Variants in CAMTA1 observed in about 807,000 individuals in gnomAD.
CAMTA1 encodes the protein calmodulin binding transcription activator 1.
Under a neutral mutation model 170.9 loss-of-function variants are expected in CAMTA1, and 27 were observed. That is an observed-to-expected ratio of 0.16 (90% CI 0.12 to 0.22). The LOEUF (loss-of-function observed/expected upper bound fraction) is 0.22. CAMTA1 is among the 10% of genes least tolerant of loss of function. The pLI, the probability that CAMTA1 is intolerant of heterozygous loss-of-function variation, is 1.00. For missense variants in CAMTA1, 1,619 were observed against 2,217.2 expected, an observed-to-expected ratio of 0.73 and a Z score of 5.42; for synonymous variants, 833 against 891.5, an observed-to-expected ratio of 0.93 and a Z score of 1.17.
chr1:6,846,313 T>C (rs148804791), intron 3 of CAMTA1, among the ~76,000 whole-genome samples: 2 of 152,380 alleles, frequency 1.3e-5, no homozygotes, highest in African/African-American at 4.8e-5. Flanking sequence ...ATCTGAGATA[T>C]TCTCATCATC....
chr1:7,598,887 G>A (rs1470523391), intron 6 of CAMTA1, among the ~76,000 whole-genome samples: 1 of 152,094 alleles, frequency 6.6e-6, no homozygotes, highest in Non-Finnish European at 1.5e-5. Flanking sequence ...CATTCTGTAG[G>A]TTGCCTGTTC....
At chr1:6,933,387 G>A (rs1046175153) in intron 3 of CAMTA1, among the ~76,000 whole-genome samples, 1 of 152,136 alleles carries the variant, frequency 6.6e-6, no homozygotes, top group African/African-American at 2.4e-5. Context: ...AGCCTCCTGA[G>A]TAGCTGGGAT....
intron 5 of CAMTA1, among the ~76,000 whole-genome samples, chr1:7,343,008 A>G (rs2083950104): frequency 6.6e-6 from 1 of 152,228 alleles, no homozygotes; most frequent in Admixed American, 6.5e-5. Context: ...ACACAGCGCC[A>G]GCCCTCTCTC....
At chr1:7,271,968 T>G (rs1318667111) in intron 5 of CAMTA1, among the ~76,000 whole-genome samples, 2 of 152,138 alleles carry the variant, frequency 1.3e-5, no homozygotes, top group Non-Finnish European at 2.9e-5. Context: ...TAAAATTTTC[T>G]GACAAAGAAA....
In CAMTA1 at chr1:7,456,221, A is replaced by AGAGGGAGGGAGAGAAG. The variant is rs1222991371; in HGVS notation, c.439-11597_439-11582dup. Among the ~76,000 whole-genome samples the AGAGGGAGGGAGAGAAG allele has an allele frequency of 8.4e-6, 1 of 119,684 alleles. No homozygotes were observed. 78.5% of individuals were successfully genotyped at this position (119,684 alleles called of 152,430 possible). The stretch of plus-strand genomic sequence containing the variant: ...GGGAGGGAGGGAGGAAGAATGGGAG[A>AGAGGGAGGGAGAGAAG]GAGGGAGGGAGAGAAGGAGGGAGGG... On this transcript the variant is annotated intron_variant, in intron 5 of 22. Coordinates refer to ENST00000303635, the MANE Select transcript of CAMTA1 (RefSeq NM_015215.4). This position sits in a 1 kb window ranked among gnomAD's most constrained non-coding sequence, Gnocchi z 4.9.
Position 7,663,838 on chromosome 1 carries a change from C to G in CAMTA1, c.1291C>G (p.Leu431Val). The G allele has an allele frequency of 6.2e-7, 1 of 1,614,132 alleles. No homozygotes were observed. The highest frequency in any genetic ancestry group is 2.2e-5 in the East Asian group (1 of 44,872). Residue 431 changes from leucine (L) to valine (V), a missense_variant, in exon 9 of 23, where the codon CTC becomes GTC. This residue lies in a region of CAMTA1 where 731 missense variants were observed against 907.6 expected (regional missense o/e 0.81). Coordinates refer to ENST00000303635, the MANE Select transcript of CAMTA1 (RefSeq NM_015215.4). Reference protein sequence around the residue: ...HLLSPDASQGLVLAVSSDGHK... With the variant: ...HLLSPDASQGVVLAVSSDGHK... Reference sequence around the variant, plus strand: ...CCTCTCACCTGACGCCTCTCAGGGCCTCGTCCTGGCCGTGAGCTCTGATGG... The same window carrying G: ...CCTCTCACCTGACGCCTCTCAGGGCGTCGTCCTGGCCGTGAGCTCTGATGG...
At chr1:6,807,001 C>T (rs1644591051) in intron 1 of CAMTA1, 2 of 651,208 alleles carry the variant, frequency 3.1e-6, no homozygotes, top group South Asian at 1.7e-5. Context: ...AAGGACAGAC[C>T]CAGTCTCTGT....
At chr1:7,759,213 C>T (rs912796445) in intron 22 of CAMTA1, among the ~76,000 whole-genome samples, 1 of 152,088 alleles carries the variant, frequency 6.6e-6, no homozygotes, top group Non-Finnish European at 1.5e-5. Context: ...TTTTATGGGA[C>T]AGTATTTGTT....
intron 4 of CAMTA1, among the ~76,000 whole-genome samples, chr1:7,183,024 G>T (rs1193179241): frequency 6.6e-6 from 1 of 152,178 alleles, no homozygotes; most frequent in Non-Finnish European, 1.5e-5. Flanking sequence ...GTTTTGCATT[G>T]CTATAAAGGA....
chr1:7,257,157 C>A (rs569993936), intron 5 of CAMTA1, among the ~76,000 whole-genome samples: 2 of 151,886 alleles, frequency 1.3e-5, no homozygotes, highest in Non-Finnish European at 2.9e-5. Flanking sequence ...TCTTCCCTAA[C>A]TACAGCCAAA....
intron 7 of CAMTA1, among the ~76,000 whole-genome samples, chr1:7,646,907 G>A (rs976347665): frequency 1.3e-5 from 2 of 152,186 alleles, no homozygotes; most frequent in African/African-American, 4.8e-5. Flanking sequence ...CTCACCTGCA[G>A]CCTGTTGGTT....
rs191212201 is a variant in CAMTA1, at chr1:7,230,442, C to T, written c.303-19049C>T. ...TGCTGCTCTGGGCTGACCCCCCCCC[C>T]CCGCCCCGCAAAGCTCTGTGGAAAG... On this transcript the variant is annotated intron_variant, in intron 4 of 22. Transcript: ENST00000303635. Among the ~76,000 whole-genome samples, 16 of 81,670 alleles carry T rather than the reference C, an allele frequency of 2.0e-4. 3 individuals are homozygous for T. The highest frequency in any genetic ancestry group is 9.1e-4 in the South Asian group (2 of 2,192). 53.6% of individuals were successfully genotyped at this position (81,670 alleles called of 152,430 possible).
At chr1:7,160,288 A>T (rs768308028) in intron 4 of CAMTA1, among the ~76,000 whole-genome samples, 3 of 152,056 alleles carry the variant, frequency 2.0e-5, no homozygotes. Context: ...CCTATCATAT[A>T]TCCTTTCTAT....
intron 3 of CAMTA1, among the ~76,000 whole-genome samples, chr1:6,956,419 A>G (rs78449520): frequency 6.2e-4 from 95 of 152,196 alleles, no homozygotes; most frequent in African/African-American, 2.2e-3. Flanking sequence ...ACGGTTTGTG[A>G]GTACTCTCTT....
At position 7,486,057 on chromosome 1, in the gene CAMTA1, C is replaced by T. The variant is rs570308321; in HGVS notation, c.510+18156C>T. 6.6e-5 allele frequency among the ~76,000 whole-genome samples: 10 copies of T among 152,324 alleles called. No individual in the cohort carries two copies. The South Asian group carries it at 1.5e-3, about 22-fold the overall frequency. On this transcript the variant is annotated intron_variant, in intron 6 of 22. Transcript: ENST00000303635. The stretch of plus-strand genomic sequence containing the variant: ...CATGCTTTCCCAGCTCCAGAAGTGA[C>T]GTTTGCATATAACTGCTGTTTGAGA...
At chr1:7,294,367 G>A (rs554114396) in intron 5 of CAMTA1, among the ~76,000 whole-genome samples, 1 of 152,180 alleles carries the variant, frequency 6.6e-6, no homozygotes, top group Non-Finnish European at 1.5e-5. Flanking sequence ...ATGAAACCAC[G>A]GAGAGGCACA....
At chr1:6,908,415 G>A (rs542725980) in intron 3 of CAMTA1, among the ~76,000 whole-genome samples, 2 of 152,326 alleles carry the variant, frequency 1.3e-5, no homozygotes, top group South Asian at 4.1e-4. Flanking sequence ...CGCTGCAAGT[G>A]TGAAGCCAGA....
intron 3 of CAMTA1, among the ~76,000 whole-genome samples, chr1:7,019,079 C>G (rs923433910): frequency 6.6e-6 from 1 of 152,234 alleles, no homozygotes; most frequent in Non-Finnish European, 1.5e-5. Context: ...GCTACCATGA[C>G]AAGGTGGCCC....
intron 3 of CAMTA1, among the ~76,000 whole-genome samples, chr1:6,840,186 C>T (rs188209621): frequency 5.9e-5 from 9 of 151,854 alleles, no homozygotes; most frequent in East Asian, 3.9e-4. Flanking sequence ...GCAACAAGAG[C>T]GGAACACCGT....
Sources: gnomAD v4.1 joint callset for allele counts (sites outside exome capture counted in the v4.1 genomes callset) on GRCh38, gnomAD v4.1.1 for gene constraint, gnomAD v4.1.1 regional missense constraint, Gnocchi (gnomAD v3.1) non-coding constraint, MANE v1.5 for transcripts, NCBI Gene and HGNC (gene_info 2026-07-23, HGNC 2026-07-21) for gene names.